Variants in FOXP2 observed in about 807,000 individuals in gnomAD.
FOXP2 encodes forkhead box P2.
Under a neutral mutation model 115.8 loss-of-function variants are expected in FOXP2, and 12 were observed. The ratio of observed to expected loss-of-function variants is 0.10; its 90% CI spans 0.07 to 0.17. The LOEUF (loss-of-function observed/expected upper bound fraction) is 0.17, where lower values mean the gene tolerates loss of function less well. Ranked by LOEUF, FOXP2 falls within the 10% of genes least tolerant of loss-of-function variation. FOXP2 has a pLI of 1.00. For synonymous variants in FOXP2, 328 were observed against 297.7 expected (o/e 1.10, Z -1.05); for missense variants, 629 against 843.5 (o/e 0.75, Z 3.15).
chr7:114,564,878 C>CAAAAAAAA (rs35022872), intron 3 of FOXP2, among the ~76,000 whole-genome samples: 1 of 88,116 alleles, frequency 1.1e-5, no homozygotes. Flanking sequence ...AAGGCCCTGT[C>CAAAAAAAA]AAAAAAAAAA....
intron 2 of FOXP2, among the ~76,000 whole-genome samples, chr7:114,365,625 A>G (rs1289047201): frequency 6.6e-6 from 1 of 152,084 alleles, no homozygotes; most frequent in Non-Finnish European, 1.5e-5. Context: ...TCTCTAAAAG[A>G]CCATTTCAAA....
intron 1 of FOXP2, among the ~76,000 whole-genome samples, chr7:114,261,408 A>C (rs1350876905): frequency 6.6e-6 from 1 of 152,044 alleles, no homozygotes; most frequent in Non-Finnish European, 1.5e-5. Context: ...TTACCTCTGC[A>C]CTCCTATTCC....
intron 1 of FOXP2, among the ~76,000 whole-genome samples, chr7:114,417,079 T>C (rs1793382533): frequency 6.6e-6 from 1 of 152,022 alleles, no homozygotes; most frequent in African/African-American, 2.4e-5. Context: ...GGGCATATTA[T>C]TAACATTTCA....
intron 5 of FOXP2, among the ~76,000 whole-genome samples, 187 bp from the exon 6 acceptor site, chr7:114,631,341 G>A (rs1041606270): frequency 2.6e-5 from 4 of 152,162 alleles, no homozygotes; most frequent in South Asian, 4.1e-4. Context: ...TCTCTAACAC[G>A]ATTTAATAAT....
At chr7:114,440,084 A>C (rs532729240) in intron 2 of FOXP2, among the ~76,000 whole-genome samples, 4 of 152,154 alleles carry the variant, frequency 2.6e-5, no homozygotes, top group Non-Finnish European at 5.9e-5. Context: ...CATTAATATA[A>C]TGGTTAGGAC....
At chr7:114,438,823 T>C (rs1794467155) in intron 2 of FOXP2, among the ~76,000 whole-genome samples, 1 of 152,128 alleles carries the variant, frequency 6.6e-6, no homozygotes, top group Admixed American at 6.6e-5. Context: ...CAATATAAAA[T>C]ATAATACTTA....
At chr7:114,680,930 A>T (rs990095519) in intron 16 of FOXP2, among the ~76,000 whole-genome samples, 5 of 152,114 alleles carry the variant, frequency 3.3e-5, no homozygotes, top group Admixed American at 1.3e-4. Context: ...TTTCCATCTG[A>T]ACTTGCTCTT....
intron 1 of FOXP2, among the ~76,000 whole-genome samples, chr7:114,425,200 A>T (rs564315237): frequency 2.6e-4 from 40 of 151,704 alleles, no homozygotes; most frequent in Non-Finnish European, 5.2e-4. Flanking sequence ...TAAATGGACA[A>T]AGCATTAAAA....
At chr7:114,313,572 C>T (rs1797198457) in intron 2 of FOXP2, among the ~76,000 whole-genome samples, 1 of 103,680 alleles carries the variant, frequency 9.6e-6, no homozygotes, top group Admixed American at 8.0e-5. Context: ...GGTGAAACCC[C>T]GTCTCTACTA....
intron 1 of FOXP2, among the ~76,000 whole-genome samples, chr7:114,108,343 T>C (rs960334638): frequency 1.3e-5 from 2 of 151,918 alleles, no homozygotes; most frequent in African/African-American, 4.8e-5. Flanking sequence ...TCTGAATGCA[T>C]ATAAATCTTC....
At chr7:114,477,884 A>G (rs1309137136) in intron 2 of FOXP2, among the ~76,000 whole-genome samples, 1 of 151,828 alleles carries the variant, frequency 6.6e-6, no homozygotes, top group African/African-American at 2.4e-5. Flanking sequence ...TTGATACTGT[A>G]TATATTTAAC....
chr7:114,480,305 T>C (rs775813299), intron 2 of FOXP2, among the ~76,000 whole-genome samples: 1 of 151,610 alleles, frequency 6.6e-6, no homozygotes, highest in Non-Finnish European at 1.5e-5. Context: ...GCAATCCAAT[T>C]ACATTTTTAA....
Position 114,594,814 on chromosome 7 carries a change from T to G in FOXP2, c.259-33726T>G, listed in dbSNP as rs984048423. Among the ~76,000 whole-genome samples the G allele has an allele frequency of 2.0e-5, 3 of 152,046 alleles. No individual in the cohort carries two copies. The South Asian group carries it at 6.2e-4, about 32-fold the overall frequency. ...ATTGAACTGAGATTTTACTTAGTTT[T>G]TAAATGCCAGGAGATAGAATTAAAT... On this transcript the variant is annotated intron_variant, in intron 3 of 16. Coordinates refer to ENST00000350908, the MANE Select transcript of FOXP2 (RefSeq NM_014491.4).
At chr7:114,443,429 A>T (rs186208330) in intron 2 of FOXP2, among the ~76,000 whole-genome samples, 127 of 151,940 alleles carry the variant, frequency 8.4e-4, no homozygotes, top group Middle Eastern at 3.4e-3. Flanking sequence ...GTTTTTTTTT[A>T]AAGTTTTATT....
chr7:114,581,415 T>TA (rs1563013771), intron 3 of FOXP2, among the ~76,000 whole-genome samples: 1 of 151,920 alleles, frequency 6.6e-6, no homozygotes, highest in Non-Finnish European at 1.5e-5. Flanking sequence ...CTCCTGGCCT[T>TA]ACAGACGTGA....
At chr7:114,586,506 A>C (rs918170158) in intron 3 of FOXP2, among the ~76,000 whole-genome samples, 1 of 152,248 alleles carries the variant, frequency 6.6e-6, no homozygotes, top group African/African-American at 2.4e-5. Flanking sequence ...TAATTTATGC[A>C]TTGAATATGC....
intron 1 of FOXP2, among the ~76,000 whole-genome samples, chr7:114,271,631 A>G (rs1381854024): frequency 4.1e-5 from 5 of 122,038 alleles, no homozygotes; most frequent in Non-Finnish European, 6.4e-5. Context: ...TTATATTATT[A>G]ATATAATTAT....
intron 1 of FOXP2, among the ~76,000 whole-genome samples, chr7:114,277,353 T>C (rs1443601500): frequency 1.3e-5 from 2 of 152,196 alleles, no homozygotes; most frequent in Admixed American, 1.3e-4. Flanking sequence ...ACTGTGAGAG[T>C]GGGGTTTGGA....
chr7:114,478,228 G>A (rs572880276), intron 2 of FOXP2, among the ~76,000 whole-genome samples: 1 of 151,946 alleles, frequency 6.6e-6, no homozygotes, highest in Admixed American at 6.6e-5. Context: ...TGAGTATGTT[G>A]AATGGGAATT....
Sources: allele counts gnomAD v4.1 joint callset (sites outside exome capture counted in the v4.1 genomes callset), GRCh38; gene constraint gnomAD v4.1.1; transcripts MANE v1.5; gene names NCBI Gene and HGNC (gene_info 2026-07-23, HGNC 2026-07-21).